The following CTNND2 variants were observed in gnomAD, a reference collection of about 807,000 sequenced individuals.
The protein encoded by CTNND2 is catenin delta 2.
A neutral mutation model predicts 144.4 loss-of-function variants in CTNND2; 22 were observed. The observed-to-expected ratio is 0.15, with a 90% CI of 0.11 to 0.22. The LOEUF (loss-of-function observed/expected upper bound fraction) is 0.22. Ranked by LOEUF, CTNND2 falls within the 10% of genes least tolerant of loss-of-function variation. The probability of loss-of-function intolerance (pLI) is 1.00; values close to 1 mark genes in which losing one functional copy is unlikely to be tolerated. For synonymous variants in CTNND2, 751 were observed against 695.6 expected (o/e 1.08, Z -1.25); for missense variants, 1,353 against 1,618.8 (o/e 0.84, Z 2.82).
At chr5:11,505,451 T>C (rs1481194665) in intron 3 of CTNND2, among the ~76,000 whole-genome samples, 1 of 152,150 alleles carries the variant, frequency 6.6e-6, no homozygotes, top group Non-Finnish European at 1.5e-5. Context: ...CGCTTAATGT[T>C]TGCAAGTAAC....
At chr5:11,599,981 T>C (rs902331996) in intron 2 of CTNND2, among the ~76,000 whole-genome samples, 7 of 152,198 alleles carry the variant, frequency 4.6e-5, no homozygotes, top group Non-Finnish European at 8.8e-5. Context: ...TACCTACTTT[T>C]AGCAAGTCCC....
At position 11,272,829 on chromosome 5, in the gene CTNND2, G is replaced by A. The variant is rs189841202; in HGVS notation, c.1629-36006C>T. 7.5e-4 allele frequency among the ~76,000 whole-genome samples: 114 copies of A among 152,140 alleles called. 1 individual carries two copies. In the South Asian group the frequency reaches 0.02, roughly 26 times the overall value. ...AGAAAGACATTAGAATTTTATCCAC[G>A]AGTATATAAAATTAATGATATATTA... On this transcript the variant is annotated intron_variant, in intron 9 of 21. Transcript: ENST00000304623.
rs141876796 is a variant in CTNND2 at position 11,030,418 on chromosome 5, T to C, written c.2789-7439A>G. On this transcript the variant is annotated intron_variant, in intron 16 of 21. Transcript: ENST00000304623. ...TGTCCACAGAACCCTTAAGCTCTGC[T>C]CCTTTTCTTCGATCTTTTTTCTTTC... Among the ~76,000 whole-genome samples the C allele has an allele frequency of 1.2e-4, 18 of 152,196 alleles. No individual in the cohort carries two copies. The East Asian group carries it at 3.5e-3, about 29-fold the overall frequency.
rs17183619 is a variant in CTNND2 at position 11,111,141 on chromosome 5, T to G, written c.2278-98A>C. 0.095 allele frequency: 124,006 copies of G among 1,304,248 alleles called. 6,434 individuals are homozygous for G. The highest frequency in any genetic ancestry group is 0.12 in the East Asian group (5,120 of 42,380). The allele number at this position is 1,304,248 out of a possible 1,614,324, so 80.8% of individuals were successfully genotyped here. ...AGGCCTCTTTCTCCATGGACACATT[T>G]CTCTTTGGAAGTGTTTAGCTGCCAG... is the stretch of plus-strand genomic sequence containing the variant. On this transcript the variant is annotated intron_variant, in intron 13 of 21. Coordinates refer to ENST00000304623, the MANE Select transcript of CTNND2 (RefSeq NM_001332.4).
At chr5:11,433,445 G>A (rs190612672) in intron 3 of CTNND2, among the ~76,000 whole-genome samples, 55 of 152,242 alleles carry the variant, frequency 3.6e-4, no homozygotes, top group Non-Finnish European at 4.6e-4. Context: ...TTCTTGCACT[G>A]TTAAAAGGAA....
At chr5:11,026,297 G>C (rs1377980793) in intron 16 of CTNND2, among the ~76,000 whole-genome samples, 1 of 151,600 alleles carries the variant, frequency 6.6e-6, no homozygotes, top group Non-Finnish European at 1.5e-5. Flanking sequence ...AAAAGGAGCA[G>C]GCACCAGTAA....
intron 1 of CTNND2, among the ~76,000 whole-genome samples, chr5:11,835,599 C>T: frequency 6.6e-6 from 1 of 152,118 alleles, no homozygotes; most frequent in East Asian, 1.9e-4. Context: ...TATGTATATA[C>T]AATTGTACAT....
chr5:11,478,752 T>C (rs1179442198), intron 3 of CTNND2, among the ~76,000 whole-genome samples: 2 of 152,188 alleles, frequency 1.3e-5, no homozygotes, highest in African/African-American at 2.4e-5. Context: ...AAAGCAATGT[T>C]AGTCATCAAT....
intron 3 of CTNND2, among the ~76,000 whole-genome samples, chr5:11,456,932 C>T (rs761469631): frequency 2.0e-5 from 3 of 152,088 alleles, no homozygotes; most frequent in Non-Finnish European, 4.4e-5. Context: ...ATTTTTATCA[C>T]CAGCAGCATA....
intron 2 of CTNND2, among the ~76,000 whole-genome samples, chr5:11,672,877 G>C (rs188450045): frequency 6.6e-6 from 1 of 152,116 alleles, no homozygotes; most frequent in South Asian, 2.1e-4. Flanking sequence ...CTGACCCCTT[G>C]CACTTCCTGG....
chr5:11,579,367 G>A (rs1431216072), intron 2 of CTNND2, among the ~76,000 whole-genome samples: 1 of 152,114 alleles, frequency 6.6e-6, no homozygotes, highest in Non-Finnish European at 1.5e-5. Flanking sequence ...CGTCTACATT[G>A]CTCCAATGTG....
chr5:11,602,736 TAA>T (rs1002275582), intron 2 of CTNND2, among the ~76,000 whole-genome samples: 2 of 146,152 alleles, frequency 1.4e-5, no homozygotes, highest in Admixed American at 1.4e-4. Context: ...ATATGTAATA[TAA>T]ATATTATATA....
At chr5:11,489,044 C>T (rs1439869772) in intron 3 of CTNND2, among the ~76,000 whole-genome samples, 1 of 135,504 alleles carries the variant, frequency 7.4e-6, no homozygotes, top group Non-Finnish European at 1.6e-5. Context: ...GGTGTAGACA[C>T]AAGTTTTCAT....
intron 16 of CTNND2, among the ~76,000 whole-genome samples, chr5:11,059,948 G>A (rs1221860491): frequency 1.3e-5 from 2 of 152,030 alleles, no homozygotes; most frequent in South Asian, 2.1e-4. Flanking sequence ...GGCTTATCTA[G>A]GATTTGAAGA....
chr5:11,073,449 C>T (rs1748568894), intron 16 of CTNND2, among the ~76,000 whole-genome samples: 1 of 152,176 alleles, frequency 6.6e-6, no homozygotes, highest in East Asian at 1.9e-4. Context: ...GGTCTCTAAG[C>T]CTTTGGGCAG....
At chr5:11,095,422 G>T (rs1297022243) in intron 15 of CTNND2, among the ~76,000 whole-genome samples, 4 of 152,194 alleles carry the variant, frequency 2.6e-5, no homozygotes, top group African/African-American at 4.8e-5. Flanking sequence ...ACCATCTGAG[G>T]ATGGCCTGGA....
At chr5:11,894,904 T>C (rs1238483230) in intron 1 of CTNND2, among the ~76,000 whole-genome samples, 1 of 152,112 alleles carries the variant, frequency 6.6e-6, no homozygotes, top group African/African-American at 2.4e-5. Flanking sequence ...ATGAACTAAG[T>C]GTTTGTTACA....
intron 16 of CTNND2, among the ~76,000 whole-genome samples, chr5:11,043,639 C>T (rs1310794803): frequency 6.6e-6 from 1 of 152,128 alleles, no homozygotes; most frequent in Non-Finnish European, 1.5e-5. Context: ...TTTATTTTAA[C>T]TAATTTCACT....
intron 9 of CTNND2, among the ~76,000 whole-genome samples, chr5:11,311,100 ACTCT>A (rs1360638165): frequency 4.6e-5 from 6 of 131,714 alleles, no homozygotes; most frequent in African/African-American, 1.8e-4. Context: ...ACACTCTCAC[ACTCT>A]CTCCATGCAC....
Sources: allele counts gnomAD v4.1 joint callset (sites outside exome capture counted in the v4.1 genomes callset), GRCh38; gene constraint gnomAD v4.1.1; transcripts MANE v1.5; gene names NCBI Gene and HGNC (gene_info 2026-07-23, HGNC 2026-07-21).